ANK3: variants seen among roughly 807,000 people sequenced by gnomAD.
ANK3 encodes the protein ankyrin-3.
Under a neutral mutation model 370.9 loss-of-function variants are expected in ANK3, and 57 were observed. The observed-to-expected ratio is 0.15, with a 90% confidence interval of 0.12 to 0.19. The LOEUF is 0.19. ANK3 is among the 10% of genes least tolerant of loss of function. ANK3 has a pLI of 1.00. For missense variants in ANK3, 4,439 were observed against 5,302.1 expected, an observed-to-expected ratio of 0.84 and a Z score of 5.06; for synonymous variants, 1,929 against 1,946.3, an observed-to-expected ratio of 0.99 and a Z score of 0.23.
At chr10:60,205,312 G>A (rs1466841291) in intron 11 of ANK3, among the ~76,000 whole-genome samples, 1 of 152,164 alleles carries the variant, frequency 6.6e-6, no homozygotes, top group African/African-American at 2.4e-5. Flanking sequence ...CAGCACATTT[G>A]ACATTTTGAA....
chr10:60,122,891 G>T (rs1279140226), intron 25 of ANK3, among the ~76,000 whole-genome samples: 1 of 152,190 alleles, frequency 6.6e-6, no homozygotes, highest in Non-Finnish European at 1.5e-5. Context: ...GGCCATTCAA[G>T]AATGCATCTT....
In ANK3 at chr10:60,270,248, A is replaced by AG. The variant is rs2097950206; in HGVS notation, c.415-20_415-19insC. On this transcript the variant is annotated intron_variant, in intron 4 of 43. Coordinates refer to ENST00000280772, the MANE Select transcript of ANK3 (RefSeq NM_020987.5). ...AACCATTCTGCAAAATAAGAAAAAA[A>AG]ATGTTTGTCTGCAGCTTTCCAGAGA... 1.3e-6 allele frequency: 2 copies of AG among 1,546,706 alleles called. No homozygotes were observed. The highest frequency in any genetic ancestry group is 4.6e-5 in the East Asian group (2 of 43,034).
At chr10:60,693,071 C>T (rs771211455) in intron 1 of ANK3, among the ~76,000 whole-genome samples, 17 of 152,322 alleles carry the variant, frequency 1.1e-4, no homozygotes, top group Admixed American at 3.3e-4. Flanking sequence ...CGAAGCAGGG[C>T]GAGGCATTGC....
intron 1 of ANK3, among the ~76,000 whole-genome samples, chr10:60,305,967 A>G (rs1306475632): frequency 2.0e-5 from 3 of 151,522 alleles, no homozygotes; most frequent in Non-Finnish European, 4.4e-5. Context: ...TGCCTCAAGG[A>G]AAGTCAATAT....
chr10:60,483,280 T>C (rs572929873), intron 2 of ANK3, among the ~76,000 whole-genome samples: 55 of 152,336 alleles, frequency 3.6e-4, no homozygotes, highest in Non-Finnish European at 6.6e-4. Context: ...TGATTCATAC[T>C]AAGCAAAGAG....
chr10:60,467,282 C>T (rs530593971), intron 2 of ANK3, among the ~76,000 whole-genome samples: 5 of 152,244 alleles, frequency 3.3e-5, no homozygotes, highest in Admixed American at 6.5e-5. Context: ...AACATTTTCA[C>T]GTAGCCACTG....
chr10:60,726,319 C>A (rs901837855), intron 1 of ANK3, among the ~76,000 whole-genome samples: 2 of 152,194 alleles, frequency 1.3e-5, no homozygotes, highest in African/African-American at 4.8e-5. Flanking sequence ...TCCACTCCAT[C>A]TAATTTCTGC....
rs1023485391 is a variant in ANK3 at position 60,069,117 on chromosome 10, T to C, written c.11764A>G (p.Asn3922Asp). The change falls in exon 37 of 44, where the codon AAC (asparagine) becomes GAC (aspartate). Residue 3922 changes from asparagine (N) to aspartate (D), a missense_variant. Transcript: ENST00000280772. ...RIPVKNTHRDNIIAVRKACAT... is the reference protein window; with the variant it reads ...RIPVKNTHRDDIIAVRKACAT... ...CATGCTTTTCTAACTGCAATTATGT[T>C]ATCCCTGTGTGTGTTTTTCACTGGA... 6.2e-7 allele frequency: 1 copy of C among 1,614,178 alleles called. No individual in the cohort carries two copies. The highest frequency in any genetic ancestry group is 8.5e-7 in the Non-Finnish European group (1 of 1,180,020).
chr10:60,187,871 C>A (rs1441202030), intron 16 of ANK3, among the ~76,000 whole-genome samples: 1 of 152,106 alleles, frequency 6.6e-6, no homozygotes, highest in Non-Finnish European at 1.5e-5. Flanking sequence ...CCCCAACATG[C>A]CCAGCAGCCA....
chr10:60,370,195 T>C (rs1426291114), intron 1 of ANK3, among the ~76,000 whole-genome samples: 1 of 152,216 alleles, frequency 6.6e-6, no homozygotes, highest in East Asian at 1.9e-4. Flanking sequence ...CCAAGCATTC[T>C]TACATCTAAG....
intron 1 of ANK3, among the ~76,000 whole-genome samples, chr10:60,656,108 T>C (rs781576377): frequency 2.0e-5 from 3 of 152,220 alleles, no homozygotes; most frequent in African/African-American, 4.8e-5. Flanking sequence ...TTCTGTTTGA[T>C]AGAACTCACT....
intron 2 of ANK3, among the ~76,000 whole-genome samples, chr10:60,486,089 A>G (rs532322707): frequency 6.6e-6 from 1 of 152,324 alleles, no homozygotes; most frequent in Non-Finnish European, 1.5e-5. Flanking sequence ...AGTTTTACCA[A>G]CTGGCAAGAG....
intron 1 of ANK3, among the ~76,000 whole-genome samples, chr10:60,326,667 G>T (rs1361472743): frequency 6.6e-6 from 1 of 151,998 alleles, no homozygotes; most frequent in Non-Finnish European, 1.5e-5. Flanking sequence ...CCCTCCTACT[G>T]ACACTCAGTG....
chr10:60,047,358 T>G (rs1350131616), intron 42 of ANK3, among the ~76,000 whole-genome samples: 1 of 152,228 alleles, frequency 6.6e-6, no homozygotes, highest in Non-Finnish European at 1.5e-5. Context: ...CTCTTAGAAT[T>G]TTTGAATAAA....
At chr10:60,033,218 G>A (rs1303017031) in intron 43 of ANK3, among the ~76,000 whole-genome samples, 1 of 151,742 alleles carries the variant, frequency 6.6e-6, no homozygotes, top group Non-Finnish European at 1.5e-5. Flanking sequence ...ACGAAAACAG[G>A]GCCACGCACG....
intron 1 of ANK3, among the ~76,000 whole-genome samples, chr10:60,709,768 C>T (rs1447689471): frequency 6.0e-5 from 9 of 148,898 alleles, no homozygotes; most frequent in Non-Finnish European, 8.9e-5. Flanking sequence ...GTTGAGGCTG[C>T]AGTGAGCCAT....
intron 1 of ANK3, among the ~76,000 whole-genome samples, chr10:60,316,028 C>T (rs1451029324): frequency 6.6e-6 from 1 of 152,114 alleles, no homozygotes; most frequent in Admixed American, 6.5e-5. Context: ...CAGCAGACAG[C>T]ATTTCCAGAG....
intron 2 of ANK3, among the ~76,000 whole-genome samples, chr10:60,567,900 T>C (rs938602984): frequency 5.9e-5 from 9 of 152,206 alleles, no homozygotes; most frequent in Admixed American, 5.9e-4. Context: ...GCAAGAGAGC[T>C]AGAAACCTGA....
chr10:60,227,521 T>C (rs2097181259), intron 8 of ANK3, among the ~76,000 whole-genome samples: 1 of 152,132 alleles, frequency 6.6e-6, no homozygotes, highest in Non-Finnish European at 1.5e-5. Flanking sequence ...ATTCTCTTTC[T>C]CCTTTGCCTG....
Sources: gnomAD v4.1 joint callset for allele counts (sites outside exome capture counted in the v4.1 genomes callset) on GRCh38, gnomAD v4.1.1 for gene constraint, MANE v1.5 for transcripts, NCBI Gene and HGNC (gene_info 2026-07-23, HGNC 2026-07-21) for gene names.